Variants in EML1 observed in about 807,000 individuals in gnomAD.
EML1 encodes echinoderm microtubule-associated protein-like 1.
In EML1, 27 loss-of-function variants were observed where a neutral mutation model predicts 110.4. The ratio of observed to expected loss-of-function variants is 0.24; its 90% CI spans 0.18 to 0.34. The LOEUF is 0.34. Ranked by LOEUF, EML1 falls within the 10% of genes least tolerant of loss-of-function variation. The pLI is 1.00. For missense variants in EML1, 741 were observed against 1,030.9 expected (o/e 0.72, Z 3.85); for synonymous variants, 344 against 385.8 (o/e 0.89, Z 1.27).
At chr14:99,875,041 C>A in intron 3 of EML1, 1 of 1,571,392 alleles carries the variant, frequency 6.4e-7, no homozygotes, top group South Asian at 1.1e-5. Flanking sequence ...CCATTGTTTC[C>A]ATCTCTGTTT....
chr14:99,753,142 G>A (rs973724852), intron 1 of EML1, among the ~76,000 whole-genome samples: 1 of 150,676 alleles, frequency 6.6e-6, no homozygotes, highest in Non-Finnish European at 1.5e-5. Context: ...TGAGGTTGAT[G>A]CCTCATCCCG....
chr14:99,858,185 C>CA (rs1255554001), intron 2 of EML1, among the ~76,000 whole-genome samples: 1 of 135,004 alleles, frequency 7.4e-6, no homozygotes, highest in Admixed American at 7.3e-5. Context: ...CTCCTCATTC[C>CA]TTTTTTTTTT....
At chr14:99,790,880 C>A (rs917406849), upstream of EML1, among the ~76,000 whole-genome samples, 1 of 61,720 alleles carries the variant, frequency 1.6e-5, no homozygotes, top group Admixed American at 1.2e-4. Flanking sequence ...TTTTTTGTGA[C>A]AGGGTCTTAC....
chr14:99,916,140 A>G (rs1290159424), intron 15 of EML1, among the ~76,000 whole-genome samples: 3 of 152,242 alleles, frequency 2.0e-5, no homozygotes, highest in African/African-American at 7.2e-5. Context: ...GCCTAACATA[A>G]GGGTTGGAGC....
chr14:99,859,972 G>A (rs897692652), intron 2 of EML1, among the ~76,000 whole-genome samples: 6 of 152,120 alleles, frequency 3.9e-5, no homozygotes, highest in Admixed American at 1.3e-4. Context: ...CTCATTCCTA[G>A]TCCTCACAGC....
chr14:99,829,775 G>T (rs1235472938), intron 1 of EML1, among the ~76,000 whole-genome samples: 2 of 152,146 alleles, frequency 1.3e-5, no homozygotes, highest in Non-Finnish European at 1.5e-5. Flanking sequence ...TTTGTGACTG[G>T]TTTATTTCAC....
Position 99,827,411 on chromosome 14 carries a change from T to C in EML1, c.68-23442T>C, listed in dbSNP as rs147049714. Among the ~76,000 whole-genome samples the C allele has an allele frequency of 2.5e-4, 38 of 152,222 alleles. No individual in the cohort carries two copies. The East Asian group carries it at 4.3e-3, about 17-fold the overall frequency. On this transcript the variant is annotated intron_variant, in intron 1 of 21. Transcript: ENST00000262233. This position sits in a 1 kb window ranked among gnomAD's most constrained non-coding sequence, Gnocchi z 4.4. ...AGTAGCGGCACCTAGTAGCCACAAG[T>C]AAGGTGCAAATACCCTTGCAGCGTA... is the stretch of plus-strand genomic sequence containing the variant.
chr14:99,850,316 G>A (rs1433397962), intron 1 of EML1: 1 of 1,288,992 alleles, frequency 7.8e-7, no homozygotes, highest in Non-Finnish European at 1.0e-6. Context: ...ATAAGGAGTT[G>A]GAAATTATGA....
intron 15 of EML1, among the ~76,000 whole-genome samples, chr14:99,917,170 G>T (rs1360654417): frequency 6.6e-6 from 1 of 152,162 alleles, no homozygotes; most frequent in African/African-American, 2.4e-5. Context: ...AACTGAAGGG[G>T]CTGGGTTCTA....
intron 1 of EML1, among the ~76,000 whole-genome samples, chr14:99,765,041 G>T (rs983241546): frequency 1.3e-5 from 2 of 151,984 alleles, no homozygotes; most frequent in Admixed American, 6.6e-5. Context: ...GGGCTCAAAT[G>T]ATCCTCCCAC....
At position 99,846,049 on chromosome 14, in the gene EML1, CAAAAAAAA is replaced by C. The variant is rs540638774; in HGVS notation, c.68-4795_68-4788del. Among the ~76,000 whole-genome samples, 210 of 53,246 alleles carry C rather than the reference CAAAAAAAA, an allele frequency of 3.9e-3. 1 individual carries two copies. Among genetic ancestry groups the C allele is most frequent in the African/African-American group, 0.013 (192 of 14,442 alleles). The allele number at this position is 53,246 out of a possible 152,430, so 34.9% of individuals were successfully genotyped here. ...TGGGCAATAGAGCAAGACTCTGTCT[CAAAAAAAA>C]AAAAAAAAGAAAAGAAAAAGAAAAA... is the stretch of plus-strand genomic sequence containing the variant. On this transcript the variant is annotated intron_variant, in intron 1 of 21. Transcript: ENST00000262233.
intron 1 of EML1, among the ~76,000 whole-genome samples, chr14:99,779,180 A>C (rs55724757): frequency 0.24 from 36,206 of 152,002 alleles, 4,556 homozygotes; most frequent in East Asian, 0.37. Context: ...TGAACTTCCC[A>C]ATATGATATC....
At chr14:99,804,608 A>T (rs1310588154) in intron 1 of EML1, among the ~76,000 whole-genome samples, 1 of 152,170 alleles carries the variant, frequency 6.6e-6, no homozygotes, top group East Asian at 1.9e-4. Context: ...TGAGTGAATG[A>T]TGGGAAAAAA....
chr14:99,929,851 G>A (rs768909621), intron 17 of EML1, among the ~76,000 whole-genome samples: 3 of 152,166 alleles, frequency 2.0e-5, no homozygotes, highest in Non-Finnish European at 4.4e-5. Context: ...TGCTAAGAAG[G>A]GAAACCATGA....
intron 1 of EML1, among the ~76,000 whole-genome samples, chr14:99,825,660 G>A (rs1293206894): frequency 2.0e-5 from 3 of 152,118 alleles, no homozygotes; most frequent in Admixed American, 6.6e-5. Context: ...GAAGGGCTAG[G>A]AACTGTTATT....
rs778300039 is a variant in EML1, at chr14:99,936,351, G to T, written c.2095+17G>T. On this transcript the variant is annotated intron_variant, in intron 19 of 21. Coordinates refer to ENST00000262233, the MANE Select transcript of EML1 (RefSeq NM_004434.3). The surrounding 1 kb of genome is among the most constrained non-coding windows in gnomAD (Gnocchi z 5.5). ...TCCTCTACTGTGAGTACCACCCCGG[G>T]GTTGTATGAAGTCTCGATCTCAGAA... 12 of 1,609,918 alleles carry T rather than the reference G, an allele frequency of 7.5e-6. No individual in the cohort carries two copies. In the Admixed American group the frequency reaches 1.0e-4, roughly 13 times the overall value.
intron 1 of EML1, among the ~76,000 whole-genome samples, chr14:99,805,545 G>T (rs2057955807): frequency 6.6e-6 from 1 of 152,126 alleles, no homozygotes; most frequent in South Asian, 2.1e-4. Flanking sequence ...TATGAGCTGG[G>T]CTCACTGCAG....
Position 99,939,596 on chromosome 14 carries a change from C to A in EML1, c.2322+269C>A, listed in dbSNP as rs943266608. On this transcript the variant is annotated intron_variant, in intron 21 of 21. Transcript: ENST00000262233. The surrounding 1 kb of genome is among the most constrained non-coding windows in gnomAD (Gnocchi z 4.2). ...CGCCCTCCCCCACGGCTCCCTTGCTCCGGCCCTGCTCAGCCGCGCCAGCCC... is the reference window on the plus strand; with the variant it reads ...CGCCCTCCCCCACGGCTCCCTTGCTACGGCCCTGCTCAGCCGCGCCAGCCC... Among the ~76,000 whole-genome samples, 2 of 152,154 alleles carry A rather than the reference C, an allele frequency of 1.3e-5. No homozygotes were observed.
At chr14:99,901,240 A>G (rs1267669949) in intron 9 of EML1, among the ~76,000 whole-genome samples, 1 of 152,070 alleles carries the variant, frequency 6.6e-6, no homozygotes, top group Non-Finnish European at 1.5e-5. Flanking sequence ...CTTCCTTCCA[A>G]TCAGACATCT....
Sources: gnomAD v4.1 joint callset for allele counts (sites outside exome capture counted in the v4.1 genomes callset) on GRCh38, gnomAD v4.1.1 for gene constraint, Gnocchi (gnomAD v3.1) non-coding constraint, MANE v1.5 for transcripts, NCBI Gene and HGNC (gene_info 2026-07-23, HGNC 2026-07-21) for gene names.